PDSS2: variants seen among roughly 807,000 people sequenced by gnomAD.
PDSS2 encodes all trans-polyprenyl-diphosphate synthase PDSS2.
A neutral mutation model predicts 44.5 loss-of-function variants in PDSS2; 31 were observed. The ratio of observed to expected loss-of-function variants is 0.70; its 90% confidence interval spans 0.52 to 0.94. The LOEUF (loss-of-function observed/expected upper bound fraction) is 0.94. PDSS2 is among the 40% of genes least tolerant of loss of function. PDSS2 has a pLI of 0.00. For missense variants in PDSS2, 452 were observed against 482.2 expected, an observed-to-expected ratio of 0.94 and a Z score of 0.59; for synonymous variants, 157 against 180.3, an observed-to-expected ratio of 0.87 and a Z score of 1.03.
intron 2 of PDSS2, among the ~76,000 whole-genome samples, chr6:107,292,873 TTA>T (rs1488262207): frequency 6.6e-6 from 1 of 152,190 alleles, no homozygotes; most frequent in Non-Finnish European, 1.5e-5. Flanking sequence ...CTAGGCATCC[TTA>T]TCTAGGTTTC....
intron 6 of PDSS2, 56 bp from the exon 7 acceptor site, chr6:107,193,910 T>C (rs1178041195): frequency 2.6e-6 from 3 of 1,154,242 alleles, no homozygotes; most frequent in Non-Finnish European, 2.6e-6. Flanking sequence ...TTAGTGCTTC[T>C]ATAATTTTTG....
Position 107,433,149 on chromosome 6 carries a change from T to C in PDSS2, c.296+25841A>G, listed in dbSNP as rs1393401532. Among the ~76,000 whole-genome samples, 4 of 152,150 alleles carry C rather than the reference T, an allele frequency of 2.6e-5. No individual in the cohort carries two copies. The East Asian group carries it at 7.7e-4, about 29-fold the overall frequency. Reference sequence around the variant, plus strand: ...GAAAAGCTCCACCCCAGTTTTTTCCTACGTTGACCGGGTATACTCATATTC... The same window carrying C: ...GAAAAGCTCCACCCCAGTTTTTTCCCACGTTGACCGGGTATACTCATATTC... On this transcript the variant is annotated intron_variant, in intron 1 of 7. Coordinates refer to ENST00000369037, the MANE Select transcript of PDSS2 (RefSeq NM_020381.4).
At chr6:107,381,649 A>G (rs1779458672) in intron 1 of PDSS2, among the ~76,000 whole-genome samples, 1 of 152,196 alleles carries the variant, frequency 6.6e-6, no homozygotes, top group African/African-American at 2.4e-5. Context: ...ATGAAACTCA[A>G]CTAGAATGCT....
intron 1 of PDSS2, among the ~76,000 whole-genome samples, chr6:107,448,233 T>C (rs1198980223): frequency 1.3e-5 from 2 of 152,246 alleles, no homozygotes; most frequent in Non-Finnish European, 2.9e-5. Context: ...TCCTCATTAC[T>C]TATGCAAATT....
rs990160721 is a variant in PDSS2, at chr6:107,344,178, A to G, written c.297-9846T>C. On this transcript the variant is annotated intron_variant, in intron 1 of 7. Coordinates refer to ENST00000369037, the MANE Select transcript of PDSS2 (RefSeq NM_020381.4). ...ACAGGACCAAAGTTTAAATGGTATCAATGAAATGATGTTAAAAACATAAAT... is the reference window on the plus strand; with the variant it reads ...ACAGGACCAAAGTTTAAATGGTATCGATGAAATGATGTTAAAAACATAAAT... Among the ~76,000 whole-genome samples the G allele has an allele frequency of 3.9e-5, 6 of 152,244 alleles. No homozygotes were observed. The South Asian group carries it at 1.2e-3, about 31-fold the overall frequency.
At chr6:107,434,747 T>C (rs1781296698) in intron 1 of PDSS2, among the ~76,000 whole-genome samples, 1 of 152,118 alleles carries the variant, frequency 6.6e-6, no homozygotes, top group South Asian at 2.1e-4. Flanking sequence ...AAAAGAGTAT[T>C]ACTAGAATGT....
At chr6:107,307,192 A>G (rs978892156) in intron 2 of PDSS2, among the ~76,000 whole-genome samples, 3 of 152,208 alleles carry the variant, frequency 2.0e-5, no homozygotes, top group Non-Finnish European at 4.4e-5. Context: ...TGGTTCTACA[A>G]CCTCATATTT....
At chr6:107,296,021 T>C (rs1776497193) in intron 2 of PDSS2, among the ~76,000 whole-genome samples, 1 of 152,178 alleles carries the variant, frequency 6.6e-6, no homozygotes, top group Non-Finnish European at 1.5e-5. Flanking sequence ...AAATGTCATT[T>C]CTAAGCAAAG....
At chr6:107,177,543 A>G (rs1338595146) in intron 7 of PDSS2, among the ~76,000 whole-genome samples, 2 of 152,226 alleles carry the variant, frequency 1.3e-5, no homozygotes, top group Non-Finnish European at 2.9e-5. Context: ...AGGAAAAGCA[A>G]TCACTGCCTC....
In PDSS2 at chr6:107,274,099, A is replaced by C. The variant is rs766902097; in HGVS notation, c.560T>G (p.Ile187Ser). Residue 187 changes from isoleucine (I) to serine (S), a missense_variant, in exon 3 of 8, where the codon ATT becomes AGT. Coordinates refer to ENST00000369037, the MANE Select transcript of PDSS2 (RefSeq NM_020381.4). The stretch of plus-strand genomic sequence containing the variant: ...AAGAAAGTCTCCACTCAGGATAGCA[A>C]TTTTATTTCCAAATTGCATGTCTTT... Reference protein sequence around the residue: ...PLKDMQFGNKIAILSGDFLLA... With the variant: ...PLKDMQFGNKSAILSGDFLLA... The C allele has an allele frequency of 6.2e-6, 10 of 1,613,868 alleles. No homozygotes were observed. Among genetic ancestry groups the C allele is most frequent in the Non-Finnish European group, 8.5e-6 (10 of 1,179,888 alleles).
intron 3 of PDSS2, among the ~76,000 whole-genome samples, chr6:107,256,052 G>A (rs916476546): frequency 6.6e-6 from 1 of 152,080 alleles, no homozygotes; most frequent in African/African-American, 2.4e-5. Flanking sequence ...GTGCAGTGGT[G>A]CCATCTTGGC....
rs1237139083 is a variant in PDSS2 at position 107,429,894 on chromosome 6, AAAAAAAAATATATAT to A, written c.296+29081_296+29095del. Among the ~76,000 whole-genome samples, 23 of 45,790 alleles carry A rather than the reference AAAAAAAAATATATAT, an allele frequency of 5.0e-4. 5 individuals are homozygous for A. Among genetic ancestry groups the A allele is most frequent in the East Asian group, 7.9e-4 (1 of 1,258 alleles). The allele number at this position is 45,790 out of a possible 152,430, so 30.0% of individuals were successfully genotyped here. ...AGCAAAACTTAGTCTCAAAAAAAAA[AAAAAAAAATATATAT>A]ATATATATATATATATATATATATA... On this transcript the variant is annotated intron_variant, in intron 1 of 7. Coordinates refer to ENST00000369037, the MANE Select transcript of PDSS2 (RefSeq NM_020381.4).
At chr6:107,266,590 T>A (rs1460399826) in intron 3 of PDSS2, among the ~76,000 whole-genome samples, 1 of 152,118 alleles carries the variant, frequency 6.6e-6, no homozygotes, top group Non-Finnish European at 1.5e-5. Context: ...GTTGATAAAA[T>A]GCAAATTTAA....
At chr6:107,281,585 A>G (rs575957685) in intron 2 of PDSS2, among the ~76,000 whole-genome samples, 23 of 152,312 alleles carry the variant, frequency 1.5e-4, no homozygotes, top group Admixed American at 1.4e-3. Context: ...ATCGCTACTG[A>G]GGTCCACTGT....
chr6:107,269,375 T>TGC (rs1554260811), intron 3 of PDSS2, among the ~76,000 whole-genome samples: 3 of 145,962 alleles, frequency 2.1e-5, no homozygotes, highest in African/African-American at 7.6e-5. Flanking sequence ...TGTGTGTGTG[T>TGC]GCAATTTATT....
intron 1 of PDSS2, among the ~76,000 whole-genome samples, chr6:107,400,738 G>C (rs1353965133): frequency 6.6e-6 from 1 of 152,106 alleles, no homozygotes; most frequent in Non-Finnish European, 1.5e-5. Flanking sequence ...TGTTGCTCCA[G>C]GGGCTTGAAA....
intron 1 of PDSS2, among the ~76,000 whole-genome samples, chr6:107,402,533 TTATA>T (rs765013424): frequency 0.034 from 2,151 of 63,818 alleles, 85 homozygotes; most frequent in East Asian, 0.2. Flanking sequence ...TACATACATT[TTATA>T]TATATATATA....
chr6:107,194,807 CAG>C (rs1451373572), intron 6 of PDSS2, among the ~76,000 whole-genome samples: 2 of 152,020 alleles, frequency 1.3e-5, no homozygotes, highest in Non-Finnish European at 2.9e-5. Flanking sequence ...AAAAATTAGC[CAG>C]GCGTGGTGGC....
intron 1 of PDSS2, among the ~76,000 whole-genome samples, chr6:107,411,955 G>A (rs1485616926): frequency 1.5e-5 from 2 of 137,826 alleles, no homozygotes; most frequent in South Asian, 4.6e-4. Flanking sequence ...GCATGATCTT[G>A]GCTCACTGCA....
Sources: gnomAD v4.1 joint callset for allele counts (sites outside exome capture counted in the v4.1 genomes callset) on GRCh38, gnomAD v4.1.1 for gene constraint, MANE v1.5 for transcripts, NCBI Gene and HGNC (gene_info 2026-07-23, HGNC 2026-07-21) for gene names.